NKAIN3: variants seen among roughly 807,000 people sequenced by gnomAD.
The protein encoded by NKAIN3 is sodium/potassium-transporting ATPase subunit beta-1-interacting protein 3.
Under a neutral mutation model 30.2 loss-of-function variants are expected in NKAIN3, and 25 were observed. That is an observed-to-expected ratio of 0.83 (90% confidence interval 0.60 to 1.16). The LOEUF (loss-of-function observed/expected upper bound fraction) is 1.16, where lower values mean the gene tolerates loss of function less well. Among genes scored for constraint, NKAIN3 ranks in the 50% most tolerant of loss-of-function variants. The pLI is 0.00. For synonymous variants in NKAIN3, 91 were observed against 89.6 expected (o/e 1.02, Z -0.09); for missense variants, 225 against 254.1 (o/e 0.89, Z 0.78).
At chr8:62,527,883 GT>G (rs1808356747) in intron 1 of NKAIN3, among the ~76,000 whole-genome samples, 8 of 14,434 alleles carry the variant, frequency 5.5e-4, no homozygotes, top group African/African-American at 1.5e-3. Context: ...CTTTTTTTTG[GT>G]GTGTGTGTGT....
chr8:62,851,493 T>C (rs866090045), intron 4 of NKAIN3, among the ~76,000 whole-genome samples: 1 of 152,074 alleles, frequency 6.6e-6, no homozygotes, highest in Non-Finnish European at 1.5e-5. Flanking sequence ...CCAACACTAT[T>C]TTTAATAGGA....
chr8:62,770,302 G>A (rs1375551164), intron 4 of NKAIN3, among the ~76,000 whole-genome samples: 1 of 152,178 alleles, frequency 6.6e-6, no homozygotes, highest in Admixed American at 6.5e-5. Flanking sequence ...CCCCACACAG[G>A]TGCAATAGCA....
At chr8:62,797,196 A>G (rs1330549202) in intron 4 of NKAIN3, among the ~76,000 whole-genome samples, 2 of 152,212 alleles carry the variant, frequency 1.3e-5, no homozygotes, top group African/African-American at 4.8e-5. Flanking sequence ...TTCATAGCTA[A>G]ACAAGAGCAT....
rs6983643 is a variant in NKAIN3 at position 62,974,256 on chromosome 8, G to C, written c.*8849G>C. On this transcript the variant is annotated 3_prime_UTR_variant, in exon 7 of 7. Transcript: ENST00000623646. ...TTGAATCTATAAATTACTTTGGGCA[G>C]TATGGCCATTTTTACAATATTGATT... is the stretch of plus-strand genomic sequence containing the variant. 0.11 allele frequency among the ~76,000 whole-genome samples: 16,171 copies of C among 151,420 alleles called. 901 individuals are homozygous for C. The highest frequency in any genetic ancestry group is 0.17 in the South Asian group (823 of 4,822).
intron 4 of NKAIN3, among the ~76,000 whole-genome samples, chr8:62,793,135 A>T (rs1443103394): frequency 6.6e-6 from 1 of 151,916 alleles, no homozygotes. Flanking sequence ...AACCTGACAC[A>T]TCCGCTTGTG....
intron 5 of NKAIN3, among the ~76,000 whole-genome samples, chr8:62,921,331 G>A (rs1371286308): frequency 2.0e-5 from 3 of 152,050 alleles, no homozygotes; most frequent in Non-Finnish European, 4.4e-5. Flanking sequence ...GAAAATTTCT[G>A]CATTATTCAA....
chr8:62,696,533 G>C (rs1446834114), intron 3 of NKAIN3, among the ~76,000 whole-genome samples: 1 of 152,100 alleles, frequency 6.6e-6, no homozygotes, highest in East Asian at 1.9e-4. Context: ...AGGAAAGTCT[G>C]CATCTGTTAC....
chr8:62,765,223 G>GGT (rs1816793945), intron 4 of NKAIN3, among the ~76,000 whole-genome samples: 2 of 134,160 alleles, frequency 1.5e-5, no homozygotes, highest in Non-Finnish European at 3.1e-5. Flanking sequence ...CTCCAGCCTG[G>GGT]GTGATGGTGT....
At chr8:62,609,658 A>G (rs1289178184) in intron 3 of NKAIN3, among the ~76,000 whole-genome samples, 3 of 152,182 alleles carry the variant, frequency 2.0e-5, no homozygotes, top group Non-Finnish European at 4.4e-5. Flanking sequence ...ATCAAGAGAA[A>G]AAAACAACAA....
downstream of NKAIN3, among the ~76,000 whole-genome samples, chr8:62,987,173 G>A (rs1481378428): frequency 2.0e-5 from 3 of 152,110 alleles, no homozygotes; most frequent in Non-Finnish European, 4.4e-5. Flanking sequence ...AATCGCTTGA[G>A]TTCAGGAGTT....
intron 1 of NKAIN3, among the ~76,000 whole-genome samples, chr8:62,405,610 A>G (rs959957294): frequency 2.0e-5 from 3 of 152,176 alleles, no homozygotes; most frequent in Admixed American, 6.5e-5. Context: ...TAGATTCTCC[A>G]TGCGGCAGTG....
intron 4 of NKAIN3, among the ~76,000 whole-genome samples, chr8:62,813,181 G>T (rs936398497): frequency 2.6e-5 from 4 of 151,692 alleles, no homozygotes; most frequent in African/African-American, 9.7e-5. Flanking sequence ...TTTATTTCTG[G>T]GTTCCCTATT....
rs577076624 is a variant in NKAIN3, at chr8:62,701,597, G to T, written c.274-45335G>T. On this transcript the variant is annotated intron_variant, in intron 3 of 6. Transcript: ENST00000623646. Reference sequence around the variant, plus strand: ...TCCTATTTTCAGTATTGAGTAAATGGGGTCGCTAGAATGCTATGCAACAGA... The same window carrying T: ...TCCTATTTTCAGTATTGAGTAAATGTGGTCGCTAGAATGCTATGCAACAGA... 3.3e-5 allele frequency among the ~76,000 whole-genome samples: 5 copies of T among 152,208 alleles called. No individual in the cohort carries two copies. The South Asian group carries it at 1.0e-3, about 32-fold the overall frequency.
chr8:62,515,752 CT>C (rs1177407295), intron 1 of NKAIN3, among the ~76,000 whole-genome samples: 4 of 152,094 alleles, frequency 2.6e-5, no homozygotes. Context: ...ATTATTTGGG[CT>C]CTCTAATTTT....
intron 4 of NKAIN3, among the ~76,000 whole-genome samples, chr8:62,792,507 A>C (rs533669761): frequency 4.5e-4 from 2 of 4,436 alleles, no homozygotes; most frequent in East Asian, 3.6e-3. Flanking sequence ...AGCATGTTCA[A>C]CATTATTTGG....
intron 1 of NKAIN3, among the ~76,000 whole-genome samples, chr8:62,556,964 A>G (rs773296516): frequency 6.6e-6 from 1 of 151,972 alleles, no homozygotes; most frequent in Non-Finnish European, 1.5e-5. Context: ...TCGGTAGGTT[A>G]TTGAGGAACA....
chr8:62,375,902 T>A (rs765382860), intron 1 of NKAIN3, among the ~76,000 whole-genome samples: 3 of 152,204 alleles, frequency 2.0e-5, no homozygotes, highest in Non-Finnish European at 4.4e-5. Context: ...TTCAACATGT[T>A]CTTACCTTTA....
At chr8:62,926,893 T>C (rs1435187426) in intron 5 of NKAIN3, among the ~76,000 whole-genome samples, 2 of 152,136 alleles carry the variant, frequency 1.3e-5, no homozygotes, top group Non-Finnish European at 2.9e-5. Context: ...CACCCACCTA[T>C]TTAAGCACCT....
rs1361518769 is a variant in NKAIN3 at position 62,705,412 on chromosome 8, C to T, written c.274-41520C>T. ...CCTTTAGAGACAACATTGGACCTAG[C>T]AATTGGCGCAGTCCGGGGAAGCGGG... is the stretch of plus-strand genomic sequence containing the variant. On this transcript the variant is annotated intron_variant, in intron 3 of 6. Transcript: ENST00000623646. Among the ~76,000 whole-genome samples the T allele has an allele frequency of 9.2e-5, 14 of 152,274 alleles. No homozygotes were observed. The East Asian group carries it at 2.7e-3, about 29-fold the overall frequency.
Sources: gnomAD v4.1 joint callset for allele counts (sites outside exome capture counted in the v4.1 genomes callset) on GRCh38, gnomAD v4.1.1 for gene constraint, MANE v1.5 for transcripts, NCBI Gene and HGNC (gene_info 2026-07-23, HGNC 2026-07-21) for gene names.